SYNE2: variants seen among roughly 807,000 people sequenced by gnomAD.
The protein encoded by SYNE2 is spectrin repeat containing nuclear envelope protein 2.
In SYNE2, 431 loss-of-function variants were observed where a neutral mutation model predicts 856.3. The observed-to-expected ratio is 0.50, with a 90% CI of 0.47 to 0.55. The LOEUF (loss-of-function observed/expected upper bound fraction) is 0.55. Among genes scored for constraint, SYNE2 ranks in the 20% least tolerant of loss-of-function variants. SYNE2 has a pLI of 0.00. For synonymous variants in SYNE2, 2,923 were observed against 2,872.3 expected (o/e 1.02, Z -0.56); for missense variants, 8,129 against 8,023.2 (o/e 1.01, Z -0.50).
intron 1 of SYNE2, among the ~76,000 whole-genome samples, chr14:63,821,592 A>T (rs574255289): frequency 1.1e-3 from 162 of 140,974 alleles, no homozygotes; most frequent in South Asian, 4.6e-3. Flanking sequence ...CATCTCTATT[A>T]AAAAAAAAAA....
At chr14:64,032,830 T>C (rs1281726822) in intron 45 of SYNE2, among the ~76,000 whole-genome samples, 1 of 152,218 alleles carries the variant, frequency 6.6e-6, no homozygotes, top group Non-Finnish European at 1.5e-5. Flanking sequence ...AGTGAGGCTC[T>C]TGATGTTGTA....
At chr14:64,132,461 G>T (rs2098032270) in intron 77 of SYNE2, 23 bp downstream of exon 77, 3 of 1,614,060 alleles carry the variant, frequency 1.9e-6, no homozygotes, top group Non-Finnish European at 2.5e-6. Context: ...TGTAAACGTT[G>T]TACTGAAGCT....
At chr14:64,021,796 T>A (rs1157006323) in intron 36 of SYNE2, 61 bp from the exon 37 acceptor site, 1 of 1,558,528 alleles carries the variant, frequency 6.4e-7, no homozygotes, top group African/African-American at 1.4e-5. Context: ...AGATCTAATA[T>A]GCTTTGTGTA....
chr14:63,991,420 A>C (rs1242839705), intron 21 of SYNE2, among the ~76,000 whole-genome samples: 1 of 152,242 alleles, frequency 6.6e-6, no homozygotes, highest in Non-Finnish European at 1.5e-5. Context: ...TAAAATTGGC[A>C]TAATAATTCC....
chr14:63,799,488 C>T (rs1888047376), intron 1 of SYNE2, among the ~76,000 whole-genome samples: 1 of 149,422 alleles, frequency 6.7e-6, no homozygotes, highest in African/African-American at 2.5e-5. Flanking sequence ...GAGGTCAGAT[C>T]GAGACCATCC....
chr14:64,059,891 CAG>C (rs1240397577), intron 49 of SYNE2, among the ~76,000 whole-genome samples: 5 of 152,186 alleles, frequency 3.3e-5, no homozygotes, highest in African/African-American at 1.2e-4. Flanking sequence ...AACCACAAGA[CAG>C]AGTCCTTCAC....
intron 1 of SYNE2, among the ~76,000 whole-genome samples, chr14:63,766,766 C>G (rs1335828002): frequency 1.3e-5 from 2 of 152,194 alleles, no homozygotes; most frequent in African/African-American, 4.8e-5. Context: ...CTCCCCTTCC[C>G]TCTAAAGAAA....
chr14:64,148,588 C>A (rs1419741068), intron 84 of SYNE2, among the ~76,000 whole-genome samples: 2 of 152,146 alleles, frequency 1.3e-5, no homozygotes, highest in African/African-American at 2.4e-5. Flanking sequence ...ATCAAAGCAC[C>A]CTGACCCCCT....
chr14:64,178,648 A>G (rs986111313), intron 96 of SYNE2, among the ~76,000 whole-genome samples: 2 of 152,134 alleles, frequency 1.3e-5, no homozygotes, highest in East Asian at 1.9e-4. Flanking sequence ...TTGTAGAGAC[A>G]GGGTTTTGCC....
Position 63,899,390 on chromosome 14 carries a change from C to T in SYNE2, c.-51-9708C>T, listed in dbSNP as rs1015213051. ...CTAATTTTTGTATTTTTAGTAGAGACAGGGTTTCACCTTGTTGGCCAGGCT... is the reference window on the plus strand; with the variant it reads ...CTAATTTTTGTATTTTTAGTAGAGATAGGGTTTCACCTTGTTGGCCAGGCT... On this transcript the variant is annotated intron_variant, in intron 1 of 115. Coordinates refer to ENST00000555002, the MANE Select transcript of SYNE2 (RefSeq NM_182914.3). Among the ~76,000 whole-genome samples, 6 of 151,842 alleles carry T rather than the reference C, an allele frequency of 4.0e-5. No individual in the cohort carries two copies. In the South Asian group the frequency reaches 1.2e-3, roughly 31 times the overall value.
chr14:64,027,909 TTTTA>T, intron 43 of SYNE2, 116 bp downstream of exon 43: 1 of 900,962 alleles, frequency 1.1e-6, no homozygotes, highest in Non-Finnish European at 1.7e-6. Flanking sequence ...TTTTATTTTA[TTTTA>T]TTTTATTTTT....
At position 64,170,295 on chromosome 14, in the gene SYNE2, C is replaced by T. The variant is rs2098404530; in HGVS notation, c.17068C>T (p.Gln5690Ter). 6.2e-7 allele frequency: 1 copy of T among 1,614,118 alleles called. No homozygotes were observed. ...GCAGAATGCTGTCCAGGGTGTTCGG[C>T]AGAGGAAGGGTGACGTTGATGGGCT... is the stretch of plus-strand genomic sequence containing the variant. The part of the protein sequence containing the change: ...RWQNAVQGVR[Q>*]RKGDVDGLVR... The change falls in exon 94 of 116, where the codon CAG becomes TAG. Residue 5690 changes from glutamine to a stop codon, truncating the protein, a stop_gained. Transcript: ENST00000555002. LOFTEE classifies it high-confidence loss of function.
At chr14:63,950,363 G>A (rs916683589) in intron 7 of SYNE2, among the ~76,000 whole-genome samples, 1 of 152,114 alleles carries the variant, frequency 6.6e-6, no homozygotes, top group African/African-American at 2.4e-5. Flanking sequence ...AGACCAGCCT[G>A]GCTAACATGG....
chr14:63,783,055 G>A (rs949675074), intron 1 of SYNE2, among the ~76,000 whole-genome samples: 5 of 152,116 alleles, frequency 3.3e-5, no homozygotes, highest in African/African-American at 4.8e-5. Context: ...TGGTTTGGCT[G>A]TGTCACCACT....
At chr14:64,150,321 A>AAAAGG (rs766798501) in intron 84 of SYNE2, among the ~76,000 whole-genome samples, 5 of 119,490 alleles carry the variant, frequency 4.2e-5, no homozygotes, top group African/African-American at 1.6e-4. Flanking sequence ...AAAAAAAAAA[A>AAAAGG]GGATCCTCCC....
chr14:64,015,021 G>GTATA (rs1265541280), intron 32 of SYNE2, among the ~76,000 whole-genome samples: 6 of 104,676 alleles, frequency 5.7e-5, no homozygotes, highest in Non-Finnish European at 9.9e-5. Context: ...GTGTATATAT[G>GTATA]TATATAAATA....
chr14:63,910,684 T>A (rs2095462374), intron 2 of SYNE2, among the ~76,000 whole-genome samples: 1 of 152,192 alleles, frequency 6.6e-6, no homozygotes, highest in South Asian at 2.1e-4. Context: ...GAGGAGAGAT[T>A]TCATCTTTTG....
intron 6 of SYNE2, among the ~76,000 whole-genome samples, chr14:63,947,585 C>A (rs1315460369): frequency 1.3e-5 from 2 of 152,104 alleles, no homozygotes; most frequent in African/African-American, 4.8e-5. Flanking sequence ...CCTGTAATCC[C>A]AGCACTTTGG....
At chr14:63,994,792 A>T (rs1211463422) in intron 22 of SYNE2, among the ~76,000 whole-genome samples, 1 of 152,058 alleles carries the variant, frequency 6.6e-6, no homozygotes, top group East Asian at 1.9e-4. Flanking sequence ...CTCAGTCTGT[A>T]GCTTGTCTTT....
Sources: allele counts gnomAD v4.1 joint callset (sites outside exome capture counted in the v4.1 genomes callset), GRCh38; gene constraint gnomAD v4.1.1; transcripts MANE v1.5; gene names NCBI Gene and HGNC (gene_info 2026-07-23, HGNC 2026-07-21).